Variants in CPB1 observed in about 807,000 individuals in gnomAD.
CPB1 encodes the protein carboxypeptidase B1.
Under a neutral mutation model 51.4 loss-of-function variants are expected in CPB1, and 53 were observed. The observed-to-expected ratio is 1.03, with a 90% CI of 0.83 to 1.30. CPB1 has a LOEUF of 1.30. CPB1 is among the 50% of genes most tolerant of loss of function. The pLI is 0.00. For missense variants in CPB1, 494 were observed against 516.2 expected (o/e 0.96, Z 0.42); for synonymous variants, 189 against 186.9 (o/e 1.01, Z -0.09).
At chr3:148,845,357 A>T in intron 8 of CPB1, 67 bp from the exon 9 acceptor site, 1 of 1,447,970 alleles carries the variant, frequency 6.9e-7, no homozygotes, top group Non-Finnish European at 9.6e-7. Flanking sequence ...CTAATTTGAA[A>T]GTTTAAAACA....
At chr3:148,852,332 T>G (rs377744536) in intron 9 of CPB1, among the ~76,000 whole-genome samples, 2 of 152,136 alleles carry the variant, frequency 1.3e-5, no homozygotes, top group African/African-American at 4.8e-5. Flanking sequence ...GGGAGACATC[T>G]TTGGTTGTCA....
chr3:148,854,795 C>G (rs1273043463), intron 9 of CPB1: 4 of 152,230 alleles, frequency 2.6e-5, no homozygotes. Flanking sequence ...GCAAAAACAA[C>G]TGATTATAGC....
intron 9 of CPB1, among the ~76,000 whole-genome samples, chr3:148,845,959 A>C (rs928336341): frequency 6.6e-6 from 1 of 152,138 alleles, no homozygotes; most frequent in Non-Finnish European, 1.5e-5. Flanking sequence ...GATCACATAC[A>C]TATTTTTTTT....
intron 2 of CPB1, among the ~76,000 whole-genome samples, chr3:148,831,323 G>A (rs1377751207): frequency 1.3e-5 from 2 of 152,226 alleles, no homozygotes; most frequent in African/African-American, 2.4e-5. Context: ...TACTGTACCA[G>A]TAAGTTCCTC....
intron 9 of CPB1, chr3:148,855,281 C>A (rs552958855): frequency 6.6e-6 from 1 of 152,252 alleles, no homozygotes; most frequent in East Asian, 1.9e-4. Context: ...CCAGTGTGCA[C>A]CTGTGACAGG....
intron 2 of CPB1, among the ~76,000 whole-genome samples, chr3:148,828,335 C>T (rs375684616): frequency 1.2e-4 from 18 of 152,048 alleles, no homozygotes; most frequent in African/African-American, 3.6e-4. Flanking sequence ...GCAACTGTCA[C>T]GAAGGTCACA....
intron 9 of CPB1, among the ~76,000 whole-genome samples, chr3:148,852,405 C>A (rs1713458169): frequency 6.6e-6 from 1 of 152,148 alleles, no homozygotes; most frequent in Non-Finnish European, 1.5e-5. Flanking sequence ...AAACATCCTA[C>A]AATGCACAGA....
At chr3:148,859,663 C>T in intron 10 of CPB1, 152 bp from the exon 11 acceptor site, 1 of 644,734 alleles carries the variant, frequency 1.6e-6, no homozygotes. Flanking sequence ...TAAAACAGCC[C>T]CCATAACATT....
chr3:148,846,811 A>G (rs1477768391), intron 9 of CPB1, among the ~76,000 whole-genome samples: 6,838 of 92,710 alleles, frequency 0.074, 782 homozygotes, highest in Non-Finnish European at 0.1. Context: ...ATATATATAT[A>G]TATATATATA....
At chr3:148,836,785 G>T (rs1712918475) in intron 3 of CPB1, among the ~76,000 whole-genome samples, 1 of 152,152 alleles carries the variant, frequency 6.6e-6, no homozygotes, top group African/African-American at 2.4e-5. Flanking sequence ...CCTTGCTGGG[G>T]TTGCAAGCAG....
chr3:148,833,602 T>C (rs1187195775), intron 2 of CPB1, among the ~76,000 whole-genome samples: 3 of 152,114 alleles, frequency 2.0e-5, no homozygotes, highest in Non-Finnish European at 4.4e-5. Flanking sequence ...AAAGACCCAA[T>C]GTCAGGCTGA....
chr3:148,827,933 T>G (rs1712619223), intron 1 of CPB1, 39 bp downstream of exon 1: 2 of 1,613,126 alleles, frequency 1.2e-6, no homozygotes, highest in Admixed American at 3.3e-5. Flanking sequence ...CCTTCTTCCT[T>G]GCTAGCCCCC....
Position 148,844,776 on chromosome 3 carries a change from C to T in CPB1, c.778+9C>T. ...TGATGCTGGTTGGTGTGGTAAGTATCTGGCTAGCCATTTTGCATGTATCCA... is the reference window on the plus strand; with the variant it reads ...TGATGCTGGTTGGTGTGGTAAGTATTTGGCTAGCCATTTTGCATGTATCCA... On this transcript the variant is annotated intron_variant, in intron 8 of 10. Transcript: ENST00000282957. 1 of 1,611,884 alleles carries T rather than the reference C, an allele frequency of 6.2e-7. No homozygotes were observed. Among genetic ancestry groups the T allele is most frequent in the East Asian group, 2.2e-5 (1 of 44,856 alleles).
At chr3:148,835,432 G>A (rs1002394258) in intron 3 of CPB1, among the ~76,000 whole-genome samples, 13 of 152,182 alleles carry the variant, frequency 8.5e-5, no homozygotes, top group Non-Finnish European at 1.3e-4. Context: ...AAGTCTAGGG[G>A]TCAGGGAGGG....
chr3:148,833,907 G>A (rs1301136573), intron 2 of CPB1, among the ~76,000 whole-genome samples: 1 of 152,118 alleles, frequency 6.6e-6, no homozygotes, highest in Non-Finnish European at 1.5e-5. Context: ...AAATGAAAAT[G>A]TCAGTACATG....
rs1230156521 is a variant in CPB1, at chr3:148,845,407, A to G, written c.779-17A>G. 3 of 1,611,480 alleles carry G rather than the reference A, an allele frequency of 1.9e-6. No individual in the cohort carries two copies. Among genetic ancestry groups the G allele is most frequent in the East Asian group, 2.2e-5 (1 of 44,872 alleles). On this transcript the variant is annotated splice_polypyrimidine_tract_variant and intron_variant, in intron 8 of 10. Coordinates refer to ENST00000282957, the MANE Select transcript of CPB1 (RefSeq NM_001871.3). ...TCACTAGGTGATCCTTGCCATTAAC[A>G]TCATATGTTTTTCCAGAAATTGGAG...
chr3:148,859,815 A>C lies in CPB1; in HGVS notation c.1067A>C (p.Tyr356Ser). The change falls in exon 11 of 11, where the codon TAT becomes TCT. Residue 356 changes from tyrosine to serine, a missense_variant and splice_region_variant. Coordinates refer to ENST00000282957, the MANE Select transcript of CPB1 (RefSeq NM_001871.3). Reference protein sequence around the residue: ...YTYGPGATTIYPAAGGSDDWA... With the variant: ...YTYGPGATTISPAAGGSDDWA... ...TTTCACTGCTGTTTGCACATTTCAG[A>C]TCCTGCTGCTGGGGGCTCTGACGAC... The C allele has an allele frequency of 6.2e-7, 1 of 1,611,646 alleles. No homozygotes were observed. The highest frequency in any genetic ancestry group is 8.5e-7 in the Non-Finnish European group (1 of 1,178,726).
chr3:148,851,453 G>T (rs888854109), intron 9 of CPB1: 4 of 151,632 alleles, frequency 2.6e-5, no homozygotes, highest in Non-Finnish European at 4.4e-5. Context: ...TATAAAGTAT[G>T]TTTCCTGCCA....
intron 3 of CPB1, among the ~76,000 whole-genome samples, chr3:148,834,909 G>T (rs1253764968): frequency 6.6e-6 from 1 of 152,142 alleles, no homozygotes; most frequent in South Asian, 2.1e-4. Context: ...TAGAGTACAG[G>T]CCTAGCCAAT....
Sources: allele counts gnomAD v4.1 joint callset (sites outside exome capture counted in the v4.1 genomes callset), GRCh38; gene constraint gnomAD v4.1.1; transcripts MANE v1.5; gene names NCBI Gene and HGNC (gene_info 2026-07-23, HGNC 2026-07-21).